FAM20C: variants seen among roughly 807,000 people sequenced by gnomAD.
FAM20C encodes FAM20C golgi associated secretory pathway kinase.
A neutral mutation model predicts 51.5 loss-of-function variants in FAM20C; 40 were observed. That is an observed-to-expected ratio of 0.78 (90% CI 0.60 to 1.01). The LOEUF (loss-of-function observed/expected upper bound fraction) is 1.01, where lower values mean the gene tolerates loss of function less well. FAM20C is among the 50% of genes least tolerant of loss of function. The pLI is 0.00. For synonymous variants in FAM20C, 406 were observed against 380.6 expected (o/e 1.07, Z -0.78); for missense variants, 861 against 844.7 (o/e 1.02, Z -0.24).
Position 247,129 on chromosome 7 carries a change from G to A in FAM20C, c.956+622G>A, listed in dbSNP as rs559353738. Reference sequence around the variant, plus strand: ...CCAAAGCAGGCTTCCTAAGGAGGGGGAAGCGATGTTTGTGATGAGGGGGCC... The same window carrying A: ...CCAAAGCAGGCTTCCTAAGGAGGGGAAAGCGATGTTTGTGATGAGGGGGCC... On this transcript the variant is annotated intron_variant, in intron 4 of 9. Transcript: ENST00000313766. Among the ~76,000 whole-genome samples the A allele has an allele frequency of 9.2e-5, 14 of 152,344 alleles. No homozygotes were observed. The South Asian group carries it at 1.2e-3, about 14-fold the overall frequency.
chr7:248,349 G>A lies in FAM20C; in HGVS notation c.991G>A (p.Gly331Ser), dbSNP rs983451162. The A allele has an allele frequency of 7.2e-6, 11 of 1,537,020 alleles. No individual in the cohort carries two copies. Among genetic ancestry groups the A allele is most frequent in the African/African-American group, 2.7e-5 (2 of 73,064 alleles). ...CTTCCGCCGGGTCCCTCCCGTGGCCGGCAGGATGGTCAACATGACCAAGGA... is the reference window on the plus strand; with the variant it reads ...CTTCCGCCGGGTCCCTCCCGTGGCCAGCAGGATGGTCAACATGACCAAGGA... ...LDFRRVPPVA[G>S]RMVNMTKEIR... is the part of the protein sequence containing the mutation. Residue 331 changes from glycine (G) to serine (S), a missense_variant, in exon 5 of 10, where the codon GGC (glycine) becomes AGC (serine). Coordinates refer to ENST00000313766, the MANE Select transcript of FAM20C (RefSeq NM_020223.4).
intron 2 of FAM20C, among the ~76,000 whole-genome samples, chr7:199,746 T>C (rs184242553): frequency 2.2e-4 from 34 of 152,024 alleles, no homozygotes; most frequent in African/African-American, 8.0e-4. Context: ...CTTTAAAGAG[T>C]CTTGGGATAT....
At chr7:243,811 A>G (rs1037809106) in intron 3 of FAM20C, among the ~76,000 whole-genome samples, 10 of 152,098 alleles carry the variant, frequency 6.6e-5, no homozygotes, top group Non-Finnish European at 4.4e-5. Flanking sequence ...CCAGGAGCTC[A>G]GTTTCCTAGC....
intron 2 of FAM20C, among the ~76,000 whole-genome samples, chr7:201,003 G>A (rs1786103553): frequency 6.6e-6 from 1 of 152,226 alleles, no homozygotes. Flanking sequence ...ATGAGCCTGG[G>A]TGTGGGCACC....
At chr7:253,662 G>GCTTCCTTGTGTAGTTCCC (rs1554255921) in intron 5 of FAM20C, among the ~76,000 whole-genome samples, 2 of 152,068 alleles carry the variant, frequency 1.3e-5, no homozygotes, top group African/African-American at 2.4e-5. Context: ...CCGCTTCCCG[G>GCTTCCTTGTGTAGTTCCC]GCGAGGGGCT....
At chr7:214,196 A>G (rs984174737) in intron 3 of FAM20C, among the ~76,000 whole-genome samples, 5 of 152,020 alleles carry the variant, frequency 3.3e-5, no homozygotes, top group Non-Finnish European at 7.4e-5. Flanking sequence ...GTGGTGATGC[A>G]TGCCTGTAAT....
At chr7:244,531 C>G (rs550986611) in intron 3 of FAM20C, among the ~76,000 whole-genome samples, 3 of 152,222 alleles carry the variant, frequency 2.0e-5, no homozygotes, top group Non-Finnish European at 4.4e-5. Flanking sequence ...CTCAGGATCC[C>G]GGCCAGTCTG....
At chr7:222,185 G>T (rs1787258105) in intron 3 of FAM20C, among the ~76,000 whole-genome samples, 1 of 152,188 alleles carries the variant, frequency 6.6e-6, no homozygotes, top group South Asian at 2.1e-4. Flanking sequence ...AGGGATGTCT[G>T]GAGGTCCAGG....
chr7:231,553 C>T (rs1787687354), intron 3 of FAM20C, among the ~76,000 whole-genome samples: 1 of 152,052 alleles, frequency 6.6e-6, no homozygotes. Context: ...GAGGAGGGTT[C>T]TGGCTGAGGT....
At chr7:203,233 C>T (rs771299524) in intron 2 of FAM20C, among the ~76,000 whole-genome samples, 18 of 152,204 alleles carry the variant, frequency 1.2e-4, no homozygotes, top group African/African-American at 1.7e-4. Flanking sequence ...ACTGGAGGCA[C>T]GGGAGGCTGC....
intron 9 of FAM20C, 90 bp downstream of exon 9, chr7:258,795 C>G: frequency 8.0e-7 from 1 of 1,255,266 alleles, no homozygotes; most frequent in South Asian, 1.5e-5. Flanking sequence ...CACCCCACCC[C>G]GGCCATCACA....
intron 3 of FAM20C, among the ~76,000 whole-genome samples, chr7:232,109 C>T (rs1215791534): frequency 6.6e-6 from 1 of 152,234 alleles, no homozygotes; most frequent in African/African-American, 2.4e-5. Flanking sequence ...CCTTTCCCTG[C>T]TCGGCCGCCG....
chr7:256,912 C>T, intron 7 of FAM20C, 93 bp from the exon 8 acceptor site: 2 of 1,446,668 alleles, frequency 1.4e-6, no homozygotes, highest in Non-Finnish European at 9.4e-7. Context: ...GTCACGCTGG[C>T]AGGAGGAGAC....
At chr7:257,834 G>GGCTGGACC (rs1788658400) in intron 8 of FAM20C, among the ~76,000 whole-genome samples, 1 of 119,934 alleles carries the variant, frequency 8.3e-6, no homozygotes, top group African/African-American at 3.5e-5. Flanking sequence ...CTGGAGATGG[G>GGCTGGACC]CAGGGTGGAC....
At chr7:241,838 T>G (rs1787957046) in intron 3 of FAM20C, among the ~76,000 whole-genome samples, 1 of 151,376 alleles carries the variant, frequency 6.6e-6, no homozygotes, top group Non-Finnish European at 1.5e-5. Flanking sequence ...CGTGTGTACG[T>G]TTGTGAGCGT....
intron 5 of FAM20C, 27 bp downstream of exon 5, chr7:248,457 A>T (rs1049668174): frequency 3.7e-5 from 56 of 1,510,480 alleles, no homozygotes; most frequent in Non-Finnish European, 4.2e-5. Flanking sequence ...GCCCGCATTC[A>T]TCTCTCCAGG....
chr7:250,298 C>T (rs773775854), intron 5 of FAM20C, among the ~76,000 whole-genome samples: 8 of 152,146 alleles, frequency 5.3e-5, no homozygotes, highest in Admixed American at 1.3e-4. Flanking sequence ...CAGGGCTCAC[C>T]GAGATCCTCA....
chr7:195,869 C>T, intron 2 of FAM20C, 137 bp downstream of exon 2: 1 of 851,282 alleles, frequency 1.2e-6, no homozygotes, highest in South Asian at 4.8e-5. Context: ...CAGCAATCTG[C>T]ACGGGCAGCG....
chr7:243,944 A>AATAATAATAATTATTATT (rs771341264), intron 3 of FAM20C, among the ~76,000 whole-genome samples: 13 of 136,846 alleles, frequency 9.5e-5, no homozygotes, highest in Non-Finnish European at 1.4e-4. Context: ...TAATAATAAT[A>AATAATAATAATTATTATT]ATTATTATTA....
Sources: allele counts gnomAD v4.1 joint callset (sites outside exome capture counted in the v4.1 genomes callset), GRCh38; gene constraint gnomAD v4.1.1; transcripts MANE v1.5; gene names NCBI Gene and HGNC (gene_info 2026-07-23, HGNC 2026-07-21).